TRHDE: variants seen among roughly 807,000 people sequenced by gnomAD.
TRHDE encodes the protein thyrotropin releasing hormone degrading enzyme.
In TRHDE, 72 loss-of-function variants were observed where a neutral mutation model predicts 125.7. The ratio of observed to expected loss-of-function variants is 0.57; its 90% CI spans 0.47 to 0.70. The LOEUF (loss-of-function observed/expected upper bound fraction) is 0.70. Among genes scored for constraint, TRHDE ranks in the 30% least tolerant of loss-of-function variants. TRHDE has a pLI of 0.00. For missense variants in TRHDE, 1,110 were observed against 1,327.1 expected, an observed-to-expected ratio of 0.84 and a Z score of 2.54; for synonymous variants, 509 against 509.1, an observed-to-expected ratio of 1.00 and a Z score of 0.00.
intron 5 of TRHDE, among the ~76,000 whole-genome samples, chr12:72,479,637 ATT>A (rs751424857): frequency 9.4e-6 from 1 of 106,876 alleles, no homozygotes; most frequent in Non-Finnish European, 1.9e-5. Context: ...TTTTTAAAGG[ATT>A]TTTTTTTGTT....
At chr12:72,401,606 A>G (rs943209396) in intron 3 of TRHDE, among the ~76,000 whole-genome samples, 9 of 152,240 alleles carry the variant, frequency 5.9e-5, no homozygotes, top group Non-Finnish European at 1.3e-4. Flanking sequence ...CAGTGATGTA[A>G]TTAATAAGAA....
chr12:72,466,395 T>C lies in TRHDE; in HGVS notation c.1316-3363T>C, dbSNP rs74803445. ...ACAGCTTATGGAATTGCCTCTACTTTGTCACAGGCTTGGGTCAGAAGGCTT... is the reference window on the plus strand; with the variant it reads ...ACAGCTTATGGAATTGCCTCTACTTCGTCACAGGCTTGGGTCAGAAGGCTT... On this transcript the variant is annotated intron_variant, in intron 3 of 18. Coordinates refer to ENST00000261180, the MANE Select transcript of TRHDE (RefSeq NM_013381.3). Among the ~76,000 whole-genome samples, 13 of 152,322 alleles carry C rather than the reference T, an allele frequency of 8.5e-5. No homozygotes were observed. The East Asian group carries it at 2.5e-3, about 29-fold the overall frequency.
intron 1 of TRHDE, among the ~76,000 whole-genome samples, chr12:72,277,743 G>T (rs982600153): frequency 2.0e-5 from 3 of 152,018 alleles, no homozygotes; most frequent in Admixed American, 6.6e-5. Context: ...CTATGCAATT[G>T]GTGTTTGTCT....
chr12:72,291,953 T>C (rs1404014540), intron 2 of TRHDE, among the ~76,000 whole-genome samples: 8 of 152,336 alleles, frequency 5.3e-5, no homozygotes, highest in African/African-American at 1.9e-4. Context: ...ATTTTTCTTT[T>C]GTATTGGCTC....
At chr12:72,513,591 C>T (rs1878700828) in intron 6 of TRHDE, among the ~76,000 whole-genome samples, 1 of 151,998 alleles carries the variant, frequency 6.6e-6, no homozygotes, top group Non-Finnish European at 1.5e-5. Context: ...GATTTCTGTG[C>T]TTTTAAAAGT....
chr12:72,347,798 C>G (rs952064433), intron 2 of TRHDE, among the ~76,000 whole-genome samples: 7 of 151,952 alleles, frequency 4.6e-5, no homozygotes, highest in Non-Finnish European at 1.0e-4. Context: ...CAAGACAGAG[C>G]GTAAGGGAGG....
chr12:72,092,777 A>G (rs1223315113), intron 1 of TRHDE, among the ~76,000 whole-genome samples: 1 of 152,218 alleles, frequency 6.6e-6, no homozygotes, highest in Non-Finnish European at 1.5e-5. Context: ...GAGTCAAAAC[A>G]GGTGACTATT....
At chr12:72,275,397 T>C (rs1263122331) in intron 1 of TRHDE, among the ~76,000 whole-genome samples, 1 of 152,254 alleles carries the variant, frequency 6.6e-6, no homozygotes. Flanking sequence ...AATTATTCAC[T>C]TTCTTACTCC....
intron 2 of TRHDE, among the ~76,000 whole-genome samples, chr12:72,347,630 G>C (rs139403598): frequency 6.6e-6 from 1 of 151,982 alleles, no homozygotes; most frequent in Non-Finnish European, 1.5e-5. Context: ...TCAGTTCCTC[G>C]TGGGTTGTTG....
chr12:72,623,588 GT>G lies in TRHDE; in HGVS notation c.2675+1843del, dbSNP rs1873138322. On this transcript the variant is annotated intron_variant, in intron 15 of 18. Coordinates refer to ENST00000261180, the MANE Select transcript of TRHDE (RefSeq NM_013381.3). The stretch of plus-strand genomic sequence containing the variant: ...GGATCTTAACATTCATAGAGGAACT[GT>G]TTTTTAAACAGTTTTATTTTCAAGT... 2.0e-5 allele frequency among the ~76,000 whole-genome samples: 3 copies of G among 152,044 alleles called. No individual in the cohort carries two copies. In the South Asian group the frequency reaches 6.2e-4, roughly 31 times the overall value.
intron 2 of TRHDE, among the ~76,000 whole-genome samples, chr12:72,350,021 C>T (rs1870508782): frequency 6.6e-6 from 1 of 151,750 alleles, no homozygotes; most frequent in Non-Finnish European, 1.5e-5. Context: ...AAAATGATAC[C>T]ATTTTATGTG....
intron 2 of TRHDE, among the ~76,000 whole-genome samples, chr12:72,216,121 C>G (rs1424426255): frequency 2.0e-5 from 3 of 152,016 alleles, no homozygotes; most frequent in Non-Finnish European, 4.4e-5. Flanking sequence ...TTAGACTATA[C>G]AAAGACTTAG....
chr12:72,114,138 GGCTC>G (rs1875386646), intron 2 of TRHDE, among the ~76,000 whole-genome samples: 1 of 151,628 alleles, frequency 6.6e-6, no homozygotes, highest in Non-Finnish European at 1.5e-5. Context: ...TTATGCCAGG[GGCTC>G]CTGGATCTAA....
intron 3 of TRHDE, among the ~76,000 whole-genome samples, chr12:72,431,485 C>T (rs1028893271): frequency 1.3e-5 from 2 of 152,202 alleles, no homozygotes; most frequent in East Asian, 3.9e-4. Context: ...TATGTCCCCA[C>T]ATTTACATTA....
intron 12 of TRHDE, among the ~76,000 whole-genome samples, chr12:72,604,503 T>TGAC: frequency 6.6e-6 from 1 of 152,078 alleles, no homozygotes; most frequent in East Asian, 2.0e-4. Flanking sequence ...ATAACAACAA[T>TGAC]GACTCTTATT....
At chr12:72,541,765 C>T (rs1289797722) in intron 6 of TRHDE, among the ~76,000 whole-genome samples, 1 of 151,348 alleles carries the variant, frequency 6.6e-6, no homozygotes, top group South Asian at 2.1e-4. Context: ...ACTGAGTAAA[C>T]ATGGTGAGTA....
At chr12:72,574,402 A>G (rs10506657) in intron 10 of TRHDE, among the ~76,000 whole-genome samples, 40,374 of 151,754 alleles carry the variant, frequency 0.27, 8,102 homozygotes, top group African/African-American at 0.54. Flanking sequence ...ATGTGTATAC[A>G]TTTAAAGTCA....
intron 3 of TRHDE, among the ~76,000 whole-genome samples, chr12:72,390,009 A>G (rs1356546166): frequency 6.6e-6 from 1 of 152,184 alleles, no homozygotes; most frequent in Admixed American, 6.6e-5. Flanking sequence ...TTGCTGTGTT[A>G]TAATAAGATT....
At chr12:72,199,495 C>A (rs1193563585) in intron 2 of TRHDE, among the ~76,000 whole-genome samples, 1 of 152,096 alleles carries the variant, frequency 6.6e-6, no homozygotes, top group Non-Finnish European at 1.5e-5. Context: ...CCTGTGGTAG[C>A]ATGTTGAAGG....
Sources: gnomAD v4.1 joint callset for allele counts (sites outside exome capture counted in the v4.1 genomes callset) on GRCh38, gnomAD v4.1.1 for gene constraint, MANE v1.5 for transcripts, NCBI Gene and HGNC (gene_info 2026-07-23, HGNC 2026-07-21) for gene names.